AFG3L2: variants seen among roughly 807,000 people sequenced by gnomAD.
AFG3L2 encodes mitochondrial inner membrane m-AAA protease component AFG3L2.
AFG3L2 carries 54 observed loss-of-function variants against 94.5 expected under a neutral mutation model. The observed-to-expected ratio is 0.57, with a 90% confidence interval of 0.46 to 0.72. The LOEUF is 0.72. Ranked by LOEUF, AFG3L2 falls within the 30% of genes least tolerant of loss-of-function variation. The probability of loss-of-function intolerance (pLI) is 0.00; values close to 1 mark genes in which losing one functional copy is unlikely to be tolerated. For missense variants in AFG3L2, 754 were observed against 994.9 expected (o/e 0.76, Z 3.26); for synonymous variants, 377 against 365.5 (o/e 1.03, Z -0.36).
Position 12,340,183 on chromosome 18 carries a change from ACT to A in AFG3L2, c.1980+16_1980+17del. The stretch of plus-strand genomic sequence containing the variant: ...ATATGAATACATGAGGAGGAAATGC[ACT>A]CTTTCATATACTCACTTGGGCATAT... On this transcript the variant is annotated intron_variant, in intron 15 of 16. Transcript: ENST00000269143. The A allele has an allele frequency of 1.3e-6, 2 of 1,599,026 alleles. No individual in the cohort carries two copies. The highest frequency in any genetic ancestry group is 1.7e-6 in the Non-Finnish European group (2 of 1,166,914).
chr18:12,330,345 A>AAAAT (rs1433233062), intron 16 of AFG3L2, among the ~76,000 whole-genome samples: 1 of 151,258 alleles, frequency 6.6e-6, no homozygotes, highest in Admixed American at 6.6e-5. Context: ...AAACAAAAAA[A>AAAAT]AATAGGAGGA....
At chr18:12,343,081 C>T (rs540316255) in intron 14 of AFG3L2, 3 of 151,900 alleles carry the variant, frequency 2.0e-5, no homozygotes, top group East Asian at 1.9e-4. Flanking sequence ...ACTGATGTAA[C>T]ACTCCATGAG....
intron 6 of AFG3L2, among the ~76,000 whole-genome samples, chr18:12,362,763 G>A (rs1228174538): frequency 2.0e-5 from 3 of 152,096 alleles, no homozygotes; most frequent in Non-Finnish European, 4.4e-5. Flanking sequence ...TTTTTGCTAC[G>A]TATAGACAAT....
rs1385596841 is a variant in AFG3L2 at position 12,335,594 on chromosome 18, G to T, written c.2175+1747C>A. Among the ~76,000 whole-genome samples, 3 of 152,154 alleles carry T rather than the reference G, an allele frequency of 2.0e-5. No individual in the cohort carries two copies. The East Asian group carries it at 5.8e-4, about 29-fold the overall frequency. On this transcript the variant is annotated intron_variant, in intron 16 of 16. Transcript: ENST00000269143. ...CAACCTTGACGAAACAAACCTCTAA[G>T]CTGACAGAGATCTGTCTCAGCCACT...
chr18:12,376,345 ATT>A (rs1909155654), intron 1 of AFG3L2, among the ~76,000 whole-genome samples: 1 of 152,234 alleles, frequency 6.6e-6, no homozygotes, highest in Non-Finnish European at 1.5e-5. Context: ...ACACTCTATC[ATT>A]ATGTCAGAAA....
At chr18:12,358,987 C>T (rs549831313) in intron 7 of AFG3L2, 44 bp from the exon 8 acceptor site, 2 of 1,580,854 alleles carry the variant, frequency 1.3e-6, no homozygotes, top group Admixed American at 1.9e-5. Flanking sequence ...GGCTGCTCAC[C>T]TCCAGCTTTC....
chr18:12,330,375 A>T (rs945376466), intron 16 of AFG3L2, among the ~76,000 whole-genome samples: 1 of 151,786 alleles, frequency 6.6e-6, no homozygotes, highest in Non-Finnish European at 1.5e-5. Context: ...TGTTCTATAT[A>T]CATCTCAGAG....
At chr18:12,374,000 G>C (rs1909067745) in intron 1 of AFG3L2, among the ~76,000 whole-genome samples, 1 of 152,120 alleles carries the variant, frequency 6.6e-6, no homozygotes, top group Non-Finnish European at 1.5e-5. Flanking sequence ...ACCATATAAA[G>C]CAAGTCTTTA....
chr18:12,340,090 A>G (rs1192120061), intron 15 of AFG3L2, 111 bp downstream of exon 15: 3 of 1,025,662 alleles, frequency 2.9e-6, no homozygotes, highest in African/African-American at 1.6e-5. Flanking sequence ...TTGCCTAAAA[A>G]GCCTAAAACA....
intron 5 of AFG3L2, among the ~76,000 whole-genome samples, chr18:12,364,441 T>G (rs925111957): frequency 6.6e-6 from 1 of 152,226 alleles, no homozygotes; most frequent in Non-Finnish European, 1.5e-5. Context: ...AAGGCTGTGT[T>G]GCAGGGTATA....
intron 14 of AFG3L2, 57 bp downstream of exon 14, chr18:12,344,075 G>T: frequency 7.0e-7 from 1 of 1,426,190 alleles, no homozygotes; most frequent in Non-Finnish European, 9.9e-7. Flanking sequence ...TTGAGTGACT[G>T]CAGCGAGCAT....
chr18:12,376,884 G>T, intron 1 of AFG3L2, 85 bp downstream of exon 1: 1 of 1,072,432 alleles, frequency 9.3e-7, no homozygotes, highest in Non-Finnish European at 1.2e-6. Context: ...GAGGGCGGGG[G>T]CCAGTGACCT....
intron 13 of AFG3L2, among the ~76,000 whole-genome samples, chr18:12,347,272 T>C (rs1203174010): frequency 6.6e-6 from 1 of 152,198 alleles, no homozygotes; most frequent in Non-Finnish European, 1.5e-5. Flanking sequence ...CAACACAGGG[T>C]AGACTGCCTC....
intron 6 of AFG3L2, among the ~76,000 whole-genome samples, chr18:12,362,481 TC>T (rs1200587895): frequency 6.6e-6 from 1 of 152,178 alleles, no homozygotes; most frequent in Non-Finnish European, 1.5e-5. Context: ...ACCTTTACAA[TC>T]TTGAAATACA....
At chr18:12,360,744 T>G (rs1258345778) in intron 6 of AFG3L2, among the ~76,000 whole-genome samples, 1 of 152,236 alleles carries the variant, frequency 6.6e-6, no homozygotes, top group African/African-American at 2.4e-5. Flanking sequence ...TCGTGTCTAC[T>G]GACTGAATAT....
chr18:12,368,068 G>A (rs1352385186), intron 3 of AFG3L2, among the ~76,000 whole-genome samples: 1 of 152,106 alleles, frequency 6.6e-6, no homozygotes, highest in Non-Finnish European at 1.5e-5. Flanking sequence ...TAGGGAGGCT[G>A]AGGCAGGAGA....
intron 9 of AFG3L2, among the ~76,000 whole-genome samples, chr18:12,354,125 C>T (rs1220640025): frequency 7.8e-6 from 1 of 127,844 alleles, no homozygotes. Flanking sequence ...TCCACCTGCC[C>T]ACTCCCACCC....
chr18:12,356,152 A>AT (rs1221080625), intron 9 of AFG3L2, among the ~76,000 whole-genome samples: 38 of 150,784 alleles, frequency 2.5e-4, no homozygotes, highest in African/African-American at 9.1e-4. Flanking sequence ...AATAAAGCAA[A>AT]ATTTTTTTTT....
In AFG3L2 at chr18:12,329,199, G is replaced by A; in HGVS notation, c.*366C>T. 1.4e-6 allele frequency: 1 copy of A among 702,944 alleles called. No individual in the cohort carries two copies. The allele number at this position is 702,944 out of a possible 1,614,324, so 43.5% of individuals were successfully genotyped here. A position where few individuals can be genotyped will look rare whatever the true frequency, so the allele number is the denominator to read the frequency against. The stretch of plus-strand genomic sequence containing the variant: ...ACAGGAATGAAGAGTGGGCGACAAA[G>A]AGAAAGCATCCCTTCCCACACGCCA... On this transcript the variant is annotated 3_prime_UTR_variant, in exon 17 of 17. Transcript: ENST00000269143.
Sources: allele counts gnomAD v4.1 joint callset (sites outside exome capture counted in the v4.1 genomes callset), GRCh38; gene constraint gnomAD v4.1.1; transcripts MANE v1.5; gene names NCBI Gene and HGNC (gene_info 2026-07-23, HGNC 2026-07-21).